The following RPF2 variants were observed in gnomAD, a reference collection of about 807,000 sequenced individuals.
RPF2 encodes ribosome production factor 2 homolog.
RPF2 carries 21 observed loss-of-function variants against 38.9 expected under a neutral mutation model. The observed-to-expected ratio is 0.54, with a 90% CI of 0.38 to 0.78. The LOEUF (loss-of-function observed/expected upper bound fraction) is 0.78, where lower values mean the gene tolerates loss of function less well. Ranked by LOEUF, RPF2 falls within the 30% of genes least tolerant of loss-of-function variation. The probability of loss-of-function intolerance (pLI) is 0.00; values close to 1 mark genes in which losing one functional copy is unlikely to be tolerated. For synonymous variants in RPF2, 121 were observed against 126.2 expected (o/e 0.96, Z 0.28); for missense variants, 314 against 358.1 (o/e 0.88, Z 0.99).
Position 110,985,223 on chromosome 6 carries a change from G to A in RPF2, c.156+85G>A, listed in dbSNP as rs1276608431. Reference sequence around the variant, plus strand: ...CTAGGATGGGCTGTCGGAGAAATACGTAGATAAGCTTGCCTTACCATAAGA... The same window carrying A: ...CTAGGATGGGCTGTCGGAGAAATACATAGATAAGCTTGCCTTACCATAAGA... On this transcript the variant is annotated intron_variant, in intron 2 of 9. Coordinates refer to ENST00000441448, the MANE Select transcript of RPF2 (RefSeq NM_032194.3). The A allele has an allele frequency of 1.4e-5, 17 of 1,186,682 alleles. No homozygotes were observed. In the East Asian group the frequency reaches 2.2e-4, roughly 16 times the overall value. 73.5% of individuals were successfully genotyped at this position (1,186,682 alleles called of 1,614,324 possible).
intron 6 of RPF2, among the ~76,000 whole-genome samples, chr6:111,000,402 C>A (rs1256077952): frequency 1.3e-5 from 2 of 152,162 alleles, no homozygotes; most frequent in Non-Finnish European, 2.9e-5. Flanking sequence ...TGTCCTCTTC[C>A]TCTGAATTAT....
chr6:110,982,946 T>C (rs1336467679), intron 1 of RPF2, among the ~76,000 whole-genome samples: 3 of 152,238 alleles, frequency 2.0e-5, no homozygotes, highest in African/African-American at 7.2e-5. Flanking sequence ...TTTGTTGCTG[T>C]TTAATGAGAT....
At chr6:111,011,387 A>G (rs894310215) in intron 7 of RPF2, among the ~76,000 whole-genome samples, 2 of 146,556 alleles carry the variant, frequency 1.4e-5, no homozygotes, top group Non-Finnish European at 1.5e-5. Context: ...TCCCAGGGTC[A>G]AGCAATTCTC....
intron 7 of RPF2, among the ~76,000 whole-genome samples, chr6:111,012,162 ATTT>A (rs570516659): frequency 1.2e-3 from 140 of 115,656 alleles, no homozygotes; most frequent in African/African-American, 4.2e-3. Context: ...TGTTTACATC[ATTT>A]TTTTTTTTTT....
At chr6:110,990,227 C>T (rs190826665) in intron 3 of RPF2, among the ~76,000 whole-genome samples, 1 of 151,694 alleles carries the variant, frequency 6.6e-6, no homozygotes, top group Non-Finnish European at 1.5e-5. Flanking sequence ...CGTGAGCCAC[C>T]GTGCCCGGCC....
intron 2 of RPF2, among the ~76,000 whole-genome samples, chr6:110,985,798 T>C (rs1771514279): frequency 6.6e-6 from 1 of 151,436 alleles, no homozygotes; most frequent in Non-Finnish European, 1.5e-5. Flanking sequence ...ATTAGCCGGG[T>C]GTGGTGGCGG....
intron 8 of RPF2, among the ~76,000 whole-genome samples, chr6:111,019,815 G>A (rs907522811): frequency 1.3e-5 from 2 of 152,154 alleles, no homozygotes; most frequent in Middle Eastern, 3.2e-3. Context: ...AATGGATTTT[G>A]TGTTTAGACT....
Position 111,003,090 on chromosome 6 carries a change from T to C in RPF2, c.393+3303T>C, listed in dbSNP as rs1166539246. Among the ~76,000 whole-genome samples, 688 of 110,400 alleles carry C rather than the reference T, an allele frequency of 6.2e-3. 4 individuals carry two copies. Among genetic ancestry groups the C allele is most frequent in the African/African-American group, 0.023 (596 of 26,286 alleles). 72.4% of individuals were successfully genotyped at this position (110,400 alleles called of 152,430 possible). On this transcript the variant is annotated intron_variant, in intron 6 of 9. Coordinates refer to ENST00000441448, the MANE Select transcript of RPF2 (RefSeq NM_032194.3). The stretch of plus-strand genomic sequence containing the variant: ...GTCTTTCATTTTTTACCCCCCCCCC[T>C]TTTTTTTTCTTTTTAATTTTCTAAC...
intron 9 of RPF2, among the ~76,000 whole-genome samples, chr6:111,024,705 A>G (rs902884046): frequency 1.3e-5 from 1 of 79,638 alleles, no homozygotes; most frequent in African/African-American, 5.4e-5. Flanking sequence ...AGAGTGAGCC[A>G]AAAAAAAAAA....
chr6:111,002,096 A>G (rs1485325907), intron 6 of RPF2, among the ~76,000 whole-genome samples: 2 of 152,128 alleles, frequency 1.3e-5, no homozygotes, highest in African/African-American at 4.8e-5. Flanking sequence ...CCTGGCCAAC[A>G]TGGTGAAGCC....
chr6:110,992,627 C>T (rs1395592864), intron 4 of RPF2, among the ~76,000 whole-genome samples: 1 of 152,070 alleles, frequency 6.6e-6, no homozygotes, highest in Non-Finnish European at 1.5e-5. Flanking sequence ...TAACAGATGT[C>T]AGTTGCTTTC....
Position 110,994,734 on chromosome 6 carries a change from T to TACACACACACACAC in RPF2, c.235-2426_235-2413dup, listed in dbSNP as rs71021820. On this transcript the variant is annotated intron_variant, in intron 4 of 9. Coordinates refer to ENST00000441448, the MANE Select transcript of RPF2 (RefSeq NM_032194.3). ...TTGTGGAGAATGGGATGAGTATATA[T>TACACACACACACAC]ACACACACACACACACACACACACA... Among the ~76,000 whole-genome samples the TACACACACACACAC allele has an allele frequency of 9.2e-3, 1,237 of 134,076 alleles. 28 individuals carry two copies. The highest frequency in any genetic ancestry group is 0.024 in the African/African-American group (758 of 31,222). The allele number at this position is 134,076 out of a possible 152,430, so 88.0% of individuals were successfully genotyped here. A position where few individuals can be genotyped will look rare whatever the true frequency, so the allele number is the denominator to read the frequency against.
intron 2 of RPF2, among the ~76,000 whole-genome samples, chr6:110,986,317 A>G (rs941033061): frequency 1.4e-4 from 21 of 152,236 alleles, no homozygotes; most frequent in Admixed American, 1.2e-3. Context: ...AATGTAGGAA[A>G]CTAAGCCATT....
intron 6 of RPF2, among the ~76,000 whole-genome samples, chr6:111,003,561 C>G (rs922300257): frequency 6.6e-6 from 1 of 152,086 alleles, no homozygotes; most frequent in African/African-American, 2.4e-5. Context: ...AGTGAGTATT[C>G]TAGGAGCCTG....
At chr6:111,012,625 T>G (rs768790774) in intron 7 of RPF2, among the ~76,000 whole-genome samples, 17 of 152,176 alleles carry the variant, frequency 1.1e-4, no homozygotes, top group Non-Finnish European at 2.4e-4. Context: ...AAGTGGCATA[T>G]TAAAGTTTTG....
At chr6:110,986,986 A>T (rs1413524086) in intron 2 of RPF2, among the ~76,000 whole-genome samples, 1 of 151,666 alleles carries the variant, frequency 6.6e-6, no homozygotes, top group Non-Finnish European at 1.5e-5. Context: ...GTATGTGGAG[A>T]TATCTAGTAG....
At chr6:110,995,004 A>G (rs1291504483) in intron 4 of RPF2, among the ~76,000 whole-genome samples, 2 of 152,062 alleles carry the variant, frequency 1.3e-5, no homozygotes, top group African/African-American at 2.4e-5. Context: ...TCCCGGGTTC[A>G]AGCGATCCTC....
At position 111,024,218 on chromosome 6, in the gene RPF2, G is replaced by T; in HGVS notation, c.632G>T (p.Arg211Leu). Residue 211 changes from arginine to leucine, a missense_variant, in exon 9 of 10, where the codon CGG becomes CTG. Transcript: ENST00000441448. Reference protein sequence around the residue: ...LLKKSGCRTPRIELEEMGPSL... With the variant: ...LLKKSGCRTPLIELEEMGPSL... ...AAGAAATCTGGTTGCAGAACACCAC[G>T]GATTGAATTGGAAGAGATGGGACCC... 1 of 1,609,704 alleles carries T rather than the reference G, an allele frequency of 6.2e-7. No homozygotes were observed. Among genetic ancestry groups the T allele is most frequent in the African/African-American group, 1.3e-5 (1 of 74,806 alleles).
intron 2 of RPF2, 67 bp downstream of exon 2, chr6:110,985,205 G>A (rs1013763442): frequency 5.5e-5 from 75 of 1,362,008 alleles, no homozygotes; most frequent in Middle Eastern, 1.9e-4. Context: ...ATGCTAGGAT[G>A]GGCTGTCGGA....
Sources: gnomAD v4.1 joint callset for allele counts (sites outside exome capture counted in the v4.1 genomes callset) on GRCh38, gnomAD v4.1.1 for gene constraint, MANE v1.5 for transcripts, NCBI Gene and HGNC (gene_info 2026-07-23, HGNC 2026-07-21) for gene names.